The following CD99L2 variants were observed in gnomAD, a reference collection of about 807,000 sequenced individuals.
CD99L2 encodes CD99 antigen-like protein 2.
A neutral mutation model predicts 27.3 loss-of-function variants in CD99L2; 24 were observed. That is an observed-to-expected ratio of 0.88 (90% CI 0.64 to 1.24). The LOEUF is 1.24. Ranked by LOEUF, CD99L2 falls within the 50% of genes most tolerant of loss-of-function variation. The pLI is 0.00. For synonymous variants in CD99L2, 97 were observed against 87.9 expected, an observed-to-expected ratio of 1.10 and a Z score of -0.58; for missense variants, 255 against 221.6, an observed-to-expected ratio of 1.15 and a Z score of -0.96.
In CD99L2 at chrX:150,768,693, T is replaced by C; in HGVS notation, c.*341A>G. On this transcript the variant is annotated 3_prime_UTR_variant, in exon 11 of 11. Coordinates refer to ENST00000370377, the MANE Select transcript of CD99L2 (RefSeq NM_031462.4). ...AGTTCAAACTCTTGTCCCCTAAGCA[T>C]AAATGTCATCAGGCCTCAGCATCAT... is the stretch of plus-strand genomic sequence containing the variant. The C allele has an allele frequency of 3.9e-6, 1 of 253,501 alleles. No homozygotes were observed. The highest frequency in any genetic ancestry group is 6.8e-6 in the Non-Finnish European group (1 of 146,298). 20.9% of individuals were successfully genotyped at this position (253,501 alleles called of 1,213,427 possible).
rs146905701 is a variant in CD99L2, at chrX:150,842,129, G to A, written c.68-10836C>T. Among the ~76,000 whole-genome samples the A allele has an allele frequency of 4.1e-3, 456 of 111,870 alleles. 4 individuals are homozygous for A. Among genetic ancestry groups the A allele is most frequent in the African/African-American group, 0.014 (419 of 30,835 alleles). On this transcript the variant is annotated intron_variant, in intron 1 of 10. Coordinates refer to ENST00000370377, the MANE Select transcript of CD99L2 (RefSeq NM_031462.4). ...CAGAAAATTACTTCCACCGCAGAGG[G>A]CCACCAAGAATTCCTTTTAATGTAA...
chrX:150,821,876 G>A (rs1274017324), intron 2 of CD99L2, among the ~76,000 whole-genome samples: 2 of 111,490 alleles, frequency 1.8e-5, no homozygotes, highest in Non-Finnish European at 3.8e-5. Context: ...AAATAAACAA[G>A]TTGGCAAGGA....
At chrX:150,814,769 T>C in intron 4 of CD99L2, 93 bp downstream of exon 4, 1 of 843,502 alleles carries the variant, frequency 1.2e-6, no homozygotes, top group Non-Finnish European at 1.7e-6. Flanking sequence ...CCTCCACCTC[T>C]GCCAAGCCCA....
At chrX:150,889,233 A>C (rs1319077768) in intron 1 of CD99L2, among the ~76,000 whole-genome samples, 1 of 112,698 alleles carries the variant, frequency 8.9e-6, no homozygotes, top group African/African-American at 3.2e-5. Context: ...ATTCAGGATA[A>C]GGCCTGCTGC....
At chrX:150,793,567 A>T in intron 7 of CD99L2, 124 bp downstream of exon 7, 1 of 538,293 alleles carries the variant, frequency 1.9e-6, no homozygotes, top group Non-Finnish European at 3.0e-6. Context: ...AATGAACCCC[A>T]ACTGGCAGGC....
At chrX:150,890,008 C>T (rs1386575138) in intron 1 of CD99L2, among the ~76,000 whole-genome samples, 2 of 109,724 alleles carry the variant, frequency 1.8e-5, no homozygotes, top group Non-Finnish European at 3.8e-5. Context: ...AAAAAATTAG[C>T]TGGGCGTGGA....
Position 150,793,717 on chromosome X carries a change from C to G in CD99L2, c.470G>C (p.Gly157Ala), listed in dbSNP as rs2045736187. 8.3e-7 allele frequency: 1 copy of G among 1,199,766 alleles called. No individual in the cohort carries two copies. Among genetic ancestry groups the G allele is most frequent in the Non-Finnish European group, 1.1e-6 (1 of 890,024 alleles). ...TTTACCCTTGTCAGGTTTGTATTCTCCACCCCCTACTATGTCTTCAAGATC... is the reference window on the plus strand; with the variant it reads ...TTTACCCTTGTCAGGTTTGTATTCTGCACCCCCTACTATGTCTTCAAGATC... ...DKDLEDIVGGGEYKPDKGKGD... is the reference protein window; with the variant it reads ...DKDLEDIVGGAEYKPDKGKGD... Residue 157 changes from glycine to alanine, a missense_variant, in exon 7 of 11, where the codon GGA becomes GCA. Physicochemically the swap from Gly to Ala is moderately conservative, Grantham distance 60 (BLOSUM62 0). Coordinates refer to ENST00000370377, the MANE Select transcript of CD99L2 (RefSeq NM_031462.4).
At chrX:150,805,500 T>C (rs1162891400) in intron 4 of CD99L2, among the ~76,000 whole-genome samples, 2 of 111,293 alleles carry the variant, frequency 1.8e-5, no homozygotes, top group Non-Finnish European at 3.8e-5. Context: ...ATGTTGGTAA[T>C]GTCTTAACAA....
chrX:150,801,359 T>C (rs1331968483), intron 4 of CD99L2, among the ~76,000 whole-genome samples: 5 of 111,902 alleles, frequency 4.5e-5, no homozygotes, highest in Non-Finnish European at 7.5e-5. Context: ...CTTACGATCA[T>C]AGTGGAAGGC....
chrX:150,817,025 C>A (rs2046168013), intron 2 of CD99L2, among the ~76,000 whole-genome samples: 1 of 73,206 alleles, frequency 1.4e-5, no homozygotes, highest in African/African-American at 5.4e-5. Flanking sequence ...GGAAGGGGAA[C>A]ATCACACTCT....
chrX:150,826,951 G>A (rs184651807), intron 2 of CD99L2, among the ~76,000 whole-genome samples: 5 of 111,053 alleles, frequency 4.5e-5, no homozygotes, highest in African/African-American at 1.3e-4. Flanking sequence ...AATCTTGGGC[G>A]CTTGCTATCC....
chrX:150,780,751 G>A (rs2045497523), intron 7 of CD99L2, among the ~76,000 whole-genome samples: 1 of 110,903 alleles, frequency 9.0e-6, no homozygotes, highest in South Asian at 3.7e-4. Context: ...TGTCTAATAA[G>A]ACATTGAAAA....
Position 150,863,579 on chromosome X carries a change from G to GT in CD99L2, c.68-32287dup, listed in dbSNP as rs782735005. ...GGGCATGAGCAGCCTTTCTTTTGGT[G>GT]TTTTTTTGTTTGTTTGTTTGCTTGT... On this transcript the variant is annotated intron_variant, in intron 1 of 10. Transcript: ENST00000370377. 5.8e-3 allele frequency among the ~76,000 whole-genome samples: 650 copies of GT among 111,118 alleles called. 5 individuals carry two copies. Among genetic ancestry groups the GT allele is most frequent in the Non-Finnish European group, 7.5e-3 (395 of 52,954 alleles).
chrX:150,825,787 T>G (rs1342912576), intron 2 of CD99L2, among the ~76,000 whole-genome samples: 3 of 112,056 alleles, frequency 2.7e-5, no homozygotes, highest in African/African-American at 9.7e-5. Context: ...AATGACAAAC[T>G]CAGAAAAAAT....
At chrX:150,838,854 G>A (rs1479844313) in intron 1 of CD99L2, among the ~76,000 whole-genome samples, 3 of 80,456 alleles carry the variant, frequency 3.7e-5, no homozygotes, top group Admixed American at 1.8e-4. Flanking sequence ...CATGCCCAGC[G>A]GAAAACATGA....
At position 150,768,686 on chromosome X, in the gene CD99L2, C is replaced by G. The variant is rs1732674866; in HGVS notation, c.*348G>C. On this transcript the variant is annotated 3_prime_UTR_variant, in exon 11 of 11. Coordinates refer to ENST00000370377, the MANE Select transcript of CD99L2 (RefSeq NM_031462.4). ...TCCCTTGAGTTCAAACTCTTGTCCCCTAAGCATAAATGTCATCAGGCCTCA... is the reference window on the plus strand; with the variant it reads ...TCCCTTGAGTTCAAACTCTTGTCCCGTAAGCATAAATGTCATCAGGCCTCA... 2 of 240,075 alleles carry G rather than the reference C, an allele frequency of 8.3e-6. No homozygotes were observed. The highest frequency in any genetic ancestry group is 7.3e-6 in the Non-Finnish European group (1 of 137,304). 19.8% of individuals were successfully genotyped at this position (240,075 alleles called of 1,213,427 possible).
chrX:150,883,170 C>G (rs868931364), intron 1 of CD99L2, among the ~76,000 whole-genome samples: 19 of 111,597 alleles, frequency 1.7e-4, no homozygotes, highest in Admixed American at 1.9e-4. Context: ...GCCTGGGCAA[C>G]AAGAGCAAAA....
intron 7 of CD99L2, among the ~76,000 whole-genome samples, chrX:150,778,148 C>T (rs985225202): frequency 4.5e-5 from 5 of 110,324 alleles, no homozygotes; most frequent in Non-Finnish European, 9.5e-5. Flanking sequence ...AAATCACACA[C>T]GATAGTACTG....
At chrX:150,843,148 C>T (rs1377560843) in intron 1 of CD99L2, among the ~76,000 whole-genome samples, 4 of 111,943 alleles carry the variant, frequency 3.6e-5, no homozygotes, top group Admixed American at 9.5e-5. Context: ...AGATTTCAGA[C>T]GCAAAGTAGG....
Sources: gnomAD v4.1 joint callset for allele counts (sites outside exome capture counted in the v4.1 genomes callset) on GRCh38, gnomAD v4.1.1 for gene constraint, MANE v1.5 for transcripts, NCBI Gene and HGNC (gene_info 2026-07-23, HGNC 2026-07-21) for gene names.